The following ABTB3 variants were observed in gnomAD, a reference collection of about 807,000 sequenced individuals.
ABTB3 encodes ankyrin repeat and BTB domain containing 3.
chr12:107,322,823 G>A, the ABTB3 span, among the ~76,000 whole-genome samples: 2 of 150,502 alleles, frequency 1.3e-5, no homozygotes, highest in Non-Finnish European at 3.0e-5. Flanking sequence ...CTGTCTGTAT[G>A]ACTCTTTAGT....
the ABTB3 span, among the ~76,000 whole-genome samples, chr12:107,489,200 T>C: frequency 3.3e-5 from 5 of 152,270 alleles, no homozygotes; most frequent in Non-Finnish European, 7.4e-5. Flanking sequence ...AAAACGAATA[T>C]AGCAATATAT....
At chr12:107,623,359 T>C in the ABTB3 span, among the ~76,000 whole-genome samples, 1 of 52,612 alleles carries the variant, frequency 1.9e-5, no homozygotes, top group Non-Finnish European at 4.0e-5. Flanking sequence ...ACGCCTGGCC[T>C]TTTTTTTTTT....
At chr12:107,640,583 G>C in the ABTB3 span, among the ~76,000 whole-genome samples, 25 of 152,248 alleles carry the variant, frequency 1.6e-4, 1 homozygote, top group Admixed American at 5.2e-4. Context: ...CTAGAACAAG[G>C]GGCCCTCTCC....
chr12:107,436,454 T>G, the ABTB3 span, among the ~76,000 whole-genome samples: 31 of 152,324 alleles, frequency 2.0e-4, no homozygotes, highest in South Asian at 3.1e-3. Flanking sequence ...TGTAGTCATG[T>G]GGTCAAAGGA....
the ABTB3 span, among the ~76,000 whole-genome samples, chr12:107,625,883 G>T: frequency 1.3e-5 from 2 of 152,196 alleles, no homozygotes; most frequent in African/African-American, 4.8e-5. Flanking sequence ...AAGAGTAGAA[G>T]TCTAGCCTTC....
the ABTB3 span, among the ~76,000 whole-genome samples, chr12:107,516,298 T>G: frequency 3.4e-3 from 513 of 152,062 alleles, 2 homozygotes; most frequent in South Asian, 0.022. Context: ...TGACATGATC[T>G]CAGCTCACTG....
the ABTB3 span, among the ~76,000 whole-genome samples, chr12:107,413,866 G>T: frequency 1.5e-4 from 23 of 152,246 alleles, no homozygotes; most frequent in African/African-American, 5.5e-4. Flanking sequence ...AAGGCACTAG[G>T]TTAGACAAAG....
the ABTB3 span, among the ~76,000 whole-genome samples, chr12:107,644,260 G>A: frequency 6.6e-6 from 1 of 152,172 alleles, no homozygotes; most frequent in African/African-American, 2.4e-5. Flanking sequence ...CTCACATCTT[G>A]AGCACTGTGT....
At chr12:107,624,824 CT>C in the ABTB3 span, among the ~76,000 whole-genome samples, 1 of 152,128 alleles carries the variant, frequency 6.6e-6, no homozygotes, top group Non-Finnish European at 1.5e-5. Context: ...GTGAATAGAT[CT>C]TCATTTCTCT....
the ABTB3 span, among the ~76,000 whole-genome samples, chr12:107,540,878 G>A: frequency 6.6e-6 from 1 of 152,136 alleles, no homozygotes; most frequent in African/African-American, 2.4e-5. Flanking sequence ...GCTTGTGACT[G>A]TAGTTCCAGC....
At chr12:107,647,013 C>T in the ABTB3 span, among the ~76,000 whole-genome samples, 1 of 152,020 alleles carries the variant, frequency 6.6e-6, no homozygotes, top group Non-Finnish European at 1.5e-5. Context: ...TGCAGGCAAG[C>T]GGTTGAGTGG....
At chr12:107,622,220 C>CG in the ABTB3 span, among the ~76,000 whole-genome samples, 47 of 152,146 alleles carry the variant, frequency 3.1e-4, no homozygotes, top group East Asian at 9.1e-3. Context: ...GACCACTGGC[C>CG]GGGGGTGGGA....
At chr12:107,449,486 G>A in the ABTB3 span, among the ~76,000 whole-genome samples, 2 of 152,102 alleles carry the variant, frequency 1.3e-5, no homozygotes, top group African/African-American at 4.8e-5. Flanking sequence ...CAGGAGGAAG[G>A]TTCCCCTGCC....
the ABTB3 span, among the ~76,000 whole-genome samples, chr12:107,538,040 C>T: frequency 1.3e-5 from 2 of 152,134 alleles, 1 homozygote; most frequent in Non-Finnish European, 2.9e-5. Flanking sequence ...AACCCTGCCT[C>T]CATGGTCTAT....
At chr12:107,401,914 GTT>G in the ABTB3 span, among the ~76,000 whole-genome samples, 93 of 130,846 alleles carry the variant, frequency 7.1e-4, no homozygotes, top group African/African-American at 2.3e-3. Flanking sequence ...ACCGCTTAGG[GTT>G]TTTTTTTTTT....
the ABTB3 span, among the ~76,000 whole-genome samples, chr12:107,338,647 T>C: frequency 6.6e-6 from 1 of 152,180 alleles, no homozygotes; most frequent in South Asian, 2.1e-4. Context: ...GAATACGTTA[T>C]GTTGGGGGAC....
At chr12:107,614,739 A>G in the ABTB3 span, among the ~76,000 whole-genome samples, 1 of 152,244 alleles carries the variant, frequency 6.6e-6, no homozygotes, top group African/African-American at 2.4e-5. Context: ...CACAAAGGAC[A>G]TAAAGTCACT....
the ABTB3 span, among the ~76,000 whole-genome samples, chr12:107,499,714 C>T: frequency 6.7e-6 from 1 of 149,042 alleles, no homozygotes. Context: ...AAGATAGAAT[C>T]TCACTCTGTC....
chr12:107,445,399 C>A, the ABTB3 span, among the ~76,000 whole-genome samples: 3 of 152,158 alleles, frequency 2.0e-5, no homozygotes, highest in African/African-American at 7.2e-5. Context: ...ATGAGTAATG[C>A]GGAAATAGCG....
Sources: allele counts gnomAD v4.1 joint callset (sites outside exome capture counted in the v4.1 genomes callset), GRCh38; gene constraint gnomAD v4.1.1; transcripts MANE v1.5; gene names NCBI Gene and HGNC (gene_info 2026-07-23, HGNC 2026-07-21).